MAP2: variants seen among roughly 807,000 people sequenced by gnomAD.
MAP2 encodes the protein microtubule-associated protein 2.
A neutral mutation model predicts 137.6 loss-of-function variants in MAP2; 14 were observed. The ratio of observed to expected loss-of-function variants is 0.10; its 90% CI spans 0.07 to 0.16. The LOEUF is 0.16. Ranked by LOEUF, MAP2 falls within the 10% of genes least tolerant of loss-of-function variation. The probability of loss-of-function intolerance (pLI) is 1.00; values close to 1 mark genes in which losing one functional copy is unlikely to be tolerated. For missense variants in MAP2, 2,088 were observed against 2,191.5 expected, an observed-to-expected ratio of 0.95 and a Z score of 0.94; for synonymous variants, 786 against 782.3, an observed-to-expected ratio of 1.00 and a Z score of -0.08.
intron 8 of MAP2, 91 bp from the exon 9 acceptor site, chr2:209,696,451 T>G: frequency 6.7e-7 from 1 of 1,482,268 alleles, no homozygotes; most frequent in Non-Finnish European, 9.1e-7. Flanking sequence ...CTCTTTATTT[T>G]GTATTTTGTT....
intron 7 of MAP2, among the ~76,000 whole-genome samples, chr2:209,690,201 TC>T (rs1276866055): frequency 6.6e-6 from 1 of 152,106 alleles, no homozygotes; most frequent in Non-Finnish European, 1.5e-5. Context: ...CTTTTTTTTT[TC>T]AGTACATCAG....
At chr2:209,558,034 C>T (rs2071091292) in intron 2 of MAP2, among the ~76,000 whole-genome samples, 1 of 152,118 alleles carries the variant, frequency 6.6e-6, no homozygotes, top group Non-Finnish European at 1.5e-5. Flanking sequence ...AAGAATAGTA[C>T]AATGAATATC....
intron 1 of MAP2, among the ~76,000 whole-genome samples, chr2:209,504,013 T>G (rs2060717518): frequency 6.6e-6 from 1 of 151,900 alleles, no homozygotes; most frequent in African/African-American, 2.4e-5. Context: ...GGAGAATCAC[T>G]TGAACCCAGG....
At chr2:209,499,319 C>T (rs986186418) in intron 1 of MAP2, among the ~76,000 whole-genome samples, 2 of 152,198 alleles carry the variant, frequency 1.3e-5, no homozygotes, top group African/African-American at 4.8e-5. Flanking sequence ...CCAGTAAGTT[C>T]CTCATTTCCA....
intron 1 of MAP2, among the ~76,000 whole-genome samples, chr2:209,500,845 T>C (rs2060286524): frequency 6.6e-6 from 1 of 151,940 alleles, no homozygotes. Flanking sequence ...GACCAGCCTG[T>C]ACAACATAGG....
chr2:209,477,165 C>A (rs1291273730), intron 1 of MAP2, among the ~76,000 whole-genome samples: 1 of 152,148 alleles, frequency 6.6e-6, no homozygotes, highest in Non-Finnish European at 1.5e-5. Flanking sequence ...GTGTTAGTTT[C>A]TGTGCTTTTC....
At chr2:209,704,947 A>G (rs1250794403) in intron 11 of MAP2, among the ~76,000 whole-genome samples, 1 of 150,876 alleles carries the variant, frequency 6.6e-6, no homozygotes, top group Admixed American at 6.6e-5. Flanking sequence ...AATATTGTAC[A>G]GTACAATAAT....
At chr2:209,437,641 C>T (rs987258107) in intron 1 of MAP2, among the ~76,000 whole-genome samples, 4 of 151,428 alleles carry the variant, frequency 2.6e-5, no homozygotes, top group Non-Finnish European at 5.9e-5. Context: ...CAAGAGAGCC[C>T]CCCATGTGAC....
intron 3 of MAP2, among the ~76,000 whole-genome samples, chr2:209,588,751 A>G (rs986923491): frequency 2.0e-5 from 3 of 152,140 alleles, no homozygotes; most frequent in Non-Finnish European, 4.4e-5. Flanking sequence ...ATAATTTTGA[A>G]CATAACTTCA....
At chr2:209,455,541 T>A (rs1456049472) in intron 1 of MAP2, among the ~76,000 whole-genome samples, 1 of 152,170 alleles carries the variant, frequency 6.6e-6, no homozygotes, top group Admixed American at 6.5e-5. Context: ...CCTCAAATGT[T>A]CAAAATATGG....
chr2:209,483,581 T>C (rs1296388791), intron 1 of MAP2, among the ~76,000 whole-genome samples: 2 of 152,218 alleles, frequency 1.3e-5, no homozygotes, highest in Admixed American at 6.5e-5. Context: ...CTCTTAAAAA[T>C]TTTTAATTTA....
chr2:209,639,006 A>G (rs2093796332), intron 4 of MAP2, among the ~76,000 whole-genome samples: 1 of 152,116 alleles, frequency 6.6e-6, no homozygotes, highest in Non-Finnish European at 1.5e-5. Context: ...CCATTAACTT[A>G]TTTATTTTGC....
At chr2:209,472,356 A>G (rs1447807420) in intron 1 of MAP2, among the ~76,000 whole-genome samples, 1 of 152,174 alleles carries the variant, frequency 6.6e-6, no homozygotes, top group African/African-American at 2.4e-5. Flanking sequence ...TTCAAGGTAT[A>G]TCAACACCAA....
chr2:209,704,653 G>GAAAT, intron 11 of MAP2: 1 of 1,535,782 alleles, frequency 6.5e-7, no homozygotes, highest in Non-Finnish European at 8.7e-7. Flanking sequence ...GGTGCAGAAA[G>GAAAT]AAATAGAATT....
chr2:209,667,734 A>G (rs2046970669), intron 5 of MAP2, among the ~76,000 whole-genome samples: 2 of 151,972 alleles, frequency 1.3e-5, no homozygotes, highest in African/African-American at 4.8e-5. Context: ...TGTCTATTCC[A>G]TAAGATTGTG....
At chr2:209,493,011 G>T (rs1180183179) in intron 1 of MAP2, among the ~76,000 whole-genome samples, 1 of 152,108 alleles carries the variant, frequency 6.6e-6, no homozygotes, top group African/African-American at 2.4e-5. Context: ...GAGGCATCAT[G>T]CTACCTGATT....
At chr2:209,485,276 C>T (rs914502561) in intron 1 of MAP2, among the ~76,000 whole-genome samples, 3 of 152,184 alleles carry the variant, frequency 2.0e-5, no homozygotes, top group Non-Finnish European at 4.4e-5. Context: ...TATGTACCAA[C>T]AGGAATTTAA....
chr2:209,565,454 A>G (rs1256475263), intron 2 of MAP2, among the ~76,000 whole-genome samples: 1 of 152,054 alleles, frequency 6.6e-6, no homozygotes, highest in Non-Finnish European at 1.5e-5. Flanking sequence ...TCCTGGGCTC[A>G]AGCGATCCTC....
At chr2:209,591,442 T>TA (rs1195362559) in intron 3 of MAP2, among the ~76,000 whole-genome samples, 1 of 152,038 alleles carries the variant, frequency 6.6e-6, no homozygotes, top group African/African-American at 2.4e-5. Flanking sequence ...ATTTACAGTC[T>TA]AAAAAAAATA....
Sources: allele counts gnomAD v4.1 joint callset (sites outside exome capture counted in the v4.1 genomes callset), GRCh38; gene constraint gnomAD v4.1.1; transcripts MANE v1.5; gene names NCBI Gene and HGNC (gene_info 2026-07-23, HGNC 2026-07-21).